The following CDH4 variants were observed in gnomAD, a reference collection of about 807,000 sequenced individuals.
CDH4 encodes the protein cadherin 4, also known as cadherin-4.
Under a neutral mutation model 86.0 loss-of-function variants are expected in CDH4, and 33 were observed. The observed-to-expected ratio is 0.38, with a 90% CI of 0.29 to 0.51. The LOEUF is 0.51. CDH4 is among the 20% of genes least tolerant of loss of function. CDH4 has a pLI of 0.86. For missense variants in CDH4, 1,114 were observed against 1,307.4 expected (o/e 0.85, Z 2.28); for synonymous variants, 555 against 549.4 (o/e 1.01, Z -0.14).
chr20:61,763,658 G>A (rs2088664930), intron 3 of CDH4, among the ~76,000 whole-genome samples: 1 of 152,046 alleles, frequency 6.6e-6, no homozygotes. Context: ...TGTGGGGAAA[G>A]ACCCCTCGTC....
chr20:61,662,233 C>T (rs926361399), intron 2 of CDH4, among the ~76,000 whole-genome samples: 2 of 152,178 alleles, frequency 1.3e-5, no homozygotes, highest in Admixed American at 1.3e-4. Flanking sequence ...TTCTTCCAAA[C>T]TGGACCTGCG....
chr20:61,457,611 C>G (rs116602296), intron 2 of CDH4, among the ~76,000 whole-genome samples: 1 of 151,940 alleles, frequency 6.6e-6, no homozygotes, highest in African/African-American at 2.4e-5. Flanking sequence ...CATGATGGTG[C>G]TGACAGTGCT....
At chr20:61,537,022 C>T (rs1428345432) in intron 2 of CDH4, among the ~76,000 whole-genome samples, 5 of 152,326 alleles carry the variant, frequency 3.3e-5, no homozygotes, top group South Asian at 2.1e-4. Flanking sequence ...AAATGATGCT[C>T]TGAGCACCCC....
At chr20:61,803,496 G>A (rs183956395) in intron 4 of CDH4, among the ~76,000 whole-genome samples, 2 of 152,328 alleles carry the variant, frequency 1.3e-5, no homozygotes, top group Non-Finnish European at 2.9e-5. Flanking sequence ...GCTTTGGTCG[G>A]GGGATTAGAG....
chr20:61,518,236 T>G lies in CDH4; in HGVS notation c.170-225327T>G, dbSNP rs1394449394. On this transcript the variant is annotated intron_variant, in intron 2 of 15. Coordinates refer to ENST00000614565, the MANE Select transcript of CDH4 (RefSeq NM_001794.5). This position sits in a 1 kb window ranked among gnomAD's most constrained non-coding sequence, Gnocchi z 6.3. ...TTCCTAGGACGAGGAAGCCCGTGCC[T>G]CTCCACAGGCTGACTGCATGGTGGT... is the stretch of plus-strand genomic sequence containing the variant. Among the ~76,000 whole-genome samples the G allele has an allele frequency of 1.3e-5, 2 of 152,146 alleles. No homozygotes were observed. Among genetic ancestry groups the G allele is most frequent in the African/African-American group, 4.8e-5 (2 of 41,426 alleles).
In CDH4 at chr20:61,535,754, T is replaced by A. The variant is rs529498148; in HGVS notation, c.170-207809T>A. Among the ~76,000 whole-genome samples the A allele has an allele frequency of 2.6e-5, 4 of 152,114 alleles. No individual in the cohort carries two copies. In the East Asian group the frequency reaches 7.8e-4, roughly 30 times the overall value. On this transcript the variant is annotated intron_variant, in intron 2 of 15. Transcript: ENST00000614565. ...TATGGGGGCCCTTCAGTGCCGGTCC[T>A]TTGGGCGTTTGAATCCCCTGTACTC...
intron 6 of CDH4, among the ~76,000 whole-genome samples, chr20:61,867,942 A>G (rs958910635): frequency 6.6e-6 from 1 of 152,192 alleles, no homozygotes; most frequent in Non-Finnish European, 1.5e-5. Flanking sequence ...CTCTGTGAGG[A>G]AGACATTCTA....
intron 3 of CDH4, among the ~76,000 whole-genome samples, chr20:61,769,423 A>ACTGAGACC (rs2088747942): frequency 6.6e-6 from 1 of 152,124 alleles, no homozygotes; most frequent in Non-Finnish European, 1.5e-5. Flanking sequence ...AGGAAACATC[A>ACTGAGACC]CTGAGACCCC....
chr20:61,771,944 C>G (rs770018648), intron 3 of CDH4, among the ~76,000 whole-genome samples: 1 of 152,094 alleles, frequency 6.6e-6, no homozygotes, highest in Admixed American at 6.6e-5. Flanking sequence ...CAAAAGGGAC[C>G]GTCCTTTTTG....
At chr20:61,636,976 C>T (rs2086953865) in intron 2 of CDH4, among the ~76,000 whole-genome samples, 1 of 152,308 alleles carries the variant, frequency 6.6e-6, no homozygotes, top group East Asian at 1.9e-4. Context: ...TTCTGATCCA[C>T]CCCTCGGCGT....
chr20:61,539,328 G>A (rs2086022047), intron 2 of CDH4, among the ~76,000 whole-genome samples: 1 of 152,180 alleles, frequency 6.6e-6, no homozygotes, highest in Non-Finnish European at 1.5e-5. Context: ...CCACTCCTTG[G>A]GGGCTTAAAC....
chr20:61,293,239 G>A (rs2084333342), intron 2 of CDH4, among the ~76,000 whole-genome samples: 1 of 152,214 alleles, frequency 6.6e-6, no homozygotes, highest in South Asian at 2.1e-4. Flanking sequence ...CACGTAGTGG[G>A]ACTTGGCCTG....
intron 2 of CDH4, among the ~76,000 whole-genome samples, chr20:61,721,235 T>C (rs2088037484): frequency 6.6e-6 from 1 of 152,204 alleles, no homozygotes. Flanking sequence ...CATGCTTTGC[T>C]CTCTAAGGAA....
intron 15 of CDH4, among the ~76,000 whole-genome samples, chr20:61,935,590 T>C (rs2055173584): frequency 6.6e-6 from 1 of 151,052 alleles, no homozygotes; most frequent in South Asian, 2.1e-4. Flanking sequence ...AAACCCCGTC[T>C]CTATTAAAAA....
intron 2 of CDH4, among the ~76,000 whole-genome samples, chr20:61,455,360 G>A (rs1259941244): frequency 6.6e-6 from 1 of 152,224 alleles, no homozygotes; most frequent in East Asian, 1.9e-4. Context: ...AGGGTGGGCT[G>A]GCAGTGCGAG....
intron 3 of CDH4, among the ~76,000 whole-genome samples, chr20:61,769,643 C>T (rs1332388796): frequency 6.6e-6 from 1 of 152,164 alleles, no homozygotes; most frequent in Non-Finnish European, 1.5e-5. Context: ...TCATGAGTGC[C>T]TTGGCCTCGC....
At chr20:61,707,710 T>G (rs989843516) in intron 2 of CDH4, among the ~76,000 whole-genome samples, 1 of 152,050 alleles carries the variant, frequency 6.6e-6, no homozygotes, top group Non-Finnish European at 1.5e-5. Context: ...GGGGGACGGT[T>G]TTGAGATAAA....
intron 2 of CDH4, among the ~76,000 whole-genome samples, chr20:61,655,943 T>C (rs930760560): frequency 1.3e-5 from 2 of 152,136 alleles, no homozygotes; most frequent in Admixed American, 1.3e-4. Flanking sequence ...AACATCACCT[T>C]GTTGTAAGAG....
intron 4 of CDH4, among the ~76,000 whole-genome samples, chr20:61,804,692 C>T (rs756736753): frequency 6.6e-6 from 1 of 152,120 alleles, no homozygotes; most frequent in Admixed American, 6.5e-5. Flanking sequence ...AGGGAGTGGC[C>T]GTAGCCTCAG....
Sources: gnomAD v4.1 joint callset for allele counts (sites outside exome capture counted in the v4.1 genomes callset) on GRCh38, gnomAD v4.1.1 for gene constraint, Gnocchi (gnomAD v3.1) non-coding constraint, MANE v1.5 for transcripts, NCBI Gene and HGNC (gene_info 2026-07-23, HGNC 2026-07-21) for gene names.